The following TXNDC11 variants were observed in gnomAD, a reference collection of about 807,000 sequenced individuals.
The protein encoded by TXNDC11 is thioredoxin domain-containing protein 11.
In TXNDC11, 68 loss-of-function variants were observed where a neutral mutation model predicts 78.0. That is an observed-to-expected ratio of 0.87 (90% CI 0.72 to 1.07). The LOEUF is 1.07. Among genes scored for constraint, TXNDC11 ranks in the 50% least tolerant of loss-of-function variants. The pLI is 0.00. For missense variants in TXNDC11, 1,389 were observed against 1,221.8 expected (o/e 1.14, Z -2.04); for synonymous variants, 571 against 495.2 (o/e 1.15, Z -2.03).
rs546387885 is a variant in TXNDC11, at chr16:11,717,767, G to A, written c.793+3810C>T. Among the ~76,000 whole-genome samples, 21 of 151,872 alleles carry A rather than the reference G, an allele frequency of 1.4e-4. No individual in the cohort carries two copies. In the South Asian group the frequency reaches 3.7e-3, roughly 27 times the overall value. On this transcript the variant is annotated intron_variant, in intron 5 of 11. Coordinates refer to ENST00000283033, the MANE Select transcript of TXNDC11 (RefSeq NM_015914.7). ...ACCTCGGAGGCAGAGGTTGCAGTGA[G>A]CAGAGATTTCGCCACTGCACTCCAG...
chr16:11,727,305 A>T (rs1252160499), intron 4 of TXNDC11, among the ~76,000 whole-genome samples: 3 of 152,094 alleles, frequency 2.0e-5, no homozygotes, highest in African/African-American at 7.2e-5. Flanking sequence ...TTACAAACAT[A>T]TCTAACAGAC....
chr16:11,737,313 T>C (rs976755134), intron 1 of TXNDC11, among the ~76,000 whole-genome samples: 1 of 151,260 alleles, frequency 6.6e-6, no homozygotes, highest in Non-Finnish European at 1.5e-5. Flanking sequence ...GGCGTGGTGA[T>C]GGGCGCCTGT....
chr16:11,702,718 C>T (rs1014115953), intron 5 of TXNDC11, among the ~76,000 whole-genome samples: 1 of 152,104 alleles, frequency 6.6e-6, no homozygotes, highest in African/African-American at 2.4e-5. Flanking sequence ...AACAGTTAAA[C>T]ATCAAATATT....
intron 10 of TXNDC11, 73 bp downstream of exon 10, chr16:11,687,784 C>A (rs560160395): frequency 2.7e-5 from 28 of 1,034,420 alleles, no homozygotes; most frequent in Middle Eastern, 4.1e-4. Context: ...CCCTCACACA[C>A]CATATGGCTA....
Position 11,691,816 on chromosome 16 carries a change from G to A in TXNDC11, c.1374C>T (p.Val458=), listed in dbSNP as rs142436269. ...QTSGGMKPSS[V]SVPQCSFFEM... ...CAAAAAAGCTGCACTGTGGCACGCT[G>A]ACCGAGCTCGGCTTCATGCCCCCGG... Residue 458 remains valine, a synonymous_variant, in exon 8 of 12, where the codon GTC becomes GTT. Transcript: ENST00000283033. 39 of 1,614,104 alleles carry A rather than the reference G, an allele frequency of 2.4e-5. No individual in the cohort carries two copies. The highest frequency in any genetic ancestry group is 3.2e-5 in the Non-Finnish European group (38 of 1,180,054).
At chr16:11,727,501 A>G (rs2051917989) in intron 4 of TXNDC11, among the ~76,000 whole-genome samples, 1 of 152,220 alleles carries the variant, frequency 6.6e-6, no homozygotes, top group African/African-American at 2.4e-5. Context: ...CTTTCATAGT[A>G]AGATGTCTTT....
intron 5 of TXNDC11, among the ~76,000 whole-genome samples, chr16:11,707,992 G>A (rs2051233650): frequency 6.6e-6 from 1 of 152,084 alleles, no homozygotes; most frequent in Admixed American, 6.6e-5. Flanking sequence ...GCTGATGCAG[G>A]AGGAATGCTT....
intron 5 of TXNDC11, among the ~76,000 whole-genome samples, chr16:11,702,536 G>A (rs777056901): frequency 6.6e-6 from 1 of 152,174 alleles, no homozygotes; most frequent in East Asian, 1.9e-4. Flanking sequence ...GGTGTGTTGT[G>A]GTGGGCACCT....
chr16:11,742,657 C>T lies in TXNDC11; in HGVS notation c.74G>A (p.Gly25Asp), dbSNP rs2052442998. 6 of 1,460,520 alleles carry T rather than the reference C, an allele frequency of 4.1e-6. No homozygotes were observed. Among genetic ancestry groups the T allele is most frequent in the African/African-American group, 1.5e-5 (1 of 67,900 alleles). The allele number at this position is 1,460,520 out of a possible 1,614,324, so 90.5% of individuals were successfully genotyped here. Residue 25 changes from glycine to aspartate, a missense_variant, in exon 1 of 12, where the codon GGC becomes GAC. Physicochemically the swap from Gly to Asp is moderately conservative, Grantham distance 94. Transcript: ENST00000283033. ...GAGGCAGTCTGAGCCCGCGGGGCCG[C>T]CGCCGCCCCCTCCCTCGTCCTCGGC... is the stretch of plus-strand genomic sequence containing the variant. ...EDAEDEGGGG[G>D]GPAGSDCLSS...
chr16:11,682,985 T>C (rs560647406), intron 11 of TXNDC11, among the ~76,000 whole-genome samples: 78 of 152,218 alleles, frequency 5.1e-4, no homozygotes, highest in African/African-American at 1.9e-3. Flanking sequence ...ACAGCAAACG[T>C]CATACATGCG....
At chr16:11,697,418 C>T (rs2050887860) in intron 7 of TXNDC11, among the ~76,000 whole-genome samples, 1 of 152,132 alleles carries the variant, frequency 6.6e-6, no homozygotes, top group Admixed American at 6.5e-5. Flanking sequence ...TGCAATTTTG[C>T]CACCCCAGGC....
chr16:11,718,219 T>G (rs16958583), intron 5 of TXNDC11, among the ~76,000 whole-genome samples: 3,915 of 152,108 alleles, frequency 0.026, 177 homozygotes, highest in African/African-American at 0.09. Context: ...CCAGCTAGCT[T>G]CAAAAAACAA....
At position 11,698,282 on chromosome 16, in the gene TXNDC11, C is replaced by T. The variant is rs1167732067; in HGVS notation, c.950G>A (p.Cys317Tyr). 9 of 1,614,048 alleles carry T rather than the reference C, an allele frequency of 5.6e-6. No homozygotes were observed. The highest frequency in any genetic ancestry group is 7.6e-6 in the Non-Finnish European group (9 of 1,180,024). ...CTCCTGGTTTTCTAAGGCCCACTTA[C>T]AGATGTTCTCAGCTGTGTAGTTCAG... ...EVLNYTAENI[C>Y]KWALENQETL... The change falls in exon 7 of 12, where the codon TGT (cysteine) becomes TAT (tyrosine). Residue 317 changes from cysteine to tyrosine, a missense_variant. Coordinates refer to ENST00000283033, the MANE Select transcript of TXNDC11 (RefSeq NM_015914.7).
chr16:11,679,091 A>C lies in TXNDC11; in HGVS notation c.*104T>G. The C allele has an allele frequency of 1.6e-6, 2 of 1,219,104 alleles. No homozygotes were observed. Among genetic ancestry groups the C allele is most frequent in the East Asian group, 5.1e-5 (2 of 39,250 alleles). The allele number at this position is 1,219,104 out of a possible 1,614,324, so 75.5% of individuals were successfully genotyped here. On this transcript the variant is annotated 3_prime_UTR_variant, in exon 12 of 12. Coordinates refer to ENST00000283033, the MANE Select transcript of TXNDC11 (RefSeq NM_015914.7). This position sits in a 1 kb window ranked among gnomAD's most constrained non-coding sequence, Gnocchi z 4.6. ...AATGACATTCAAGCTGATTTTCTAGACCACTGAGAAAATCTTTATTTACAA... is the reference window on the plus strand; with the variant it reads ...AATGACATTCAAGCTGATTTTCTAGCCCACTGAGAAAATCTTTATTTACAA...
intron 5 of TXNDC11, among the ~76,000 whole-genome samples, chr16:11,706,741 T>G (rs1156773772): frequency 6.6e-6 from 1 of 152,204 alleles, no homozygotes; most frequent in Non-Finnish European, 1.5e-5. Context: ...CAAGGGTTCC[T>G]GAAAGACCTG....
intron 11 of TXNDC11, among the ~76,000 whole-genome samples, chr16:11,681,466 C>T (rs1183938114): frequency 2.0e-5 from 3 of 152,240 alleles, no homozygotes; most frequent in Non-Finnish European, 2.9e-5. Context: ...AAAATACTGC[C>T]ACACTTTGTG....
In TXNDC11 at chr16:11,742,557, C is replaced by T; in HGVS notation, c.174G>A (p.Met58Ile). The T allele has an allele frequency of 1.4e-6, 2 of 1,456,472 alleles. No homozygotes were observed. Among genetic ancestry groups the T allele is most frequent in the Non-Finnish European group, 9.0e-7 (1 of 1,111,108 alleles). The allele number at this position is 1,456,472 out of a possible 1,614,324, so 90.2% of individuals were successfully genotyped here. ...AGAGCAGCTCCGGCCGCTGGCGCGC[C>T]ATGAGGAAGGCGCCACGCAGCCCGC... ...LRRGLRGAFL[M>I]ARQRPELLCG... The change falls in exon 1 of 12, where the codon ATG becomes ATA. Residue 58 changes from methionine (M) to isoleucine (I), a missense_variant. Met to Ile is a conservative substitution (Grantham distance 10). Transcript: ENST00000283033.
chr16:11,710,200 T>C (rs1299153309), intron 5 of TXNDC11, among the ~76,000 whole-genome samples: 1 of 14,878 alleles, frequency 6.7e-5, no homozygotes, highest in Non-Finnish European at 3.1e-4. Context: ...TTCAATTAAT[T>C]TTTTTTTTTT....
intron 5 of TXNDC11, among the ~76,000 whole-genome samples, chr16:11,715,009 G>C (rs2051486971): frequency 6.6e-6 from 1 of 152,150 alleles, no homozygotes; most frequent in African/African-American, 2.4e-5. Context: ...CCAGCACTTT[G>C]GGAGGCCAAA....
Sources: allele counts gnomAD v4.1 joint callset (sites outside exome capture counted in the v4.1 genomes callset), GRCh38; gene constraint gnomAD v4.1.1; non-coding constraint Gnocchi (gnomAD v3.1); transcripts MANE v1.5; gene names NCBI Gene and HGNC (gene_info 2026-07-23, HGNC 2026-07-21).